RPA3: variants seen among roughly 807,000 people sequenced by gnomAD.
RPA3 encodes replication protein A3, also known as replication protein A 14 kDa subunit.
RPA3 carries 24 observed loss-of-function variants against 13.7 expected under a neutral mutation model. The observed-to-expected ratio is 1.75, with a 90% CI of 1.27 to 2.46. RPA3 has a LOEUF of 2.46. Among genes scored for constraint, RPA3 ranks in the 30% most tolerant of loss-of-function variants. RPA3 has a pLI of 0.00. For missense variants in RPA3, 183 were observed against 151.0 expected (o/e 1.21, Z -1.11); for synonymous variants, 59 against 51.2 (o/e 1.15, Z -0.65).
rs139440390 is a variant in RPA3, at chr7:7,717,533, T to C, written c.-1080+982A>G. ...GATTTATTGTTTTGAAGTAAAATGT[T>C]TAAGGTATGCATGTATTTTTTATGA... On this transcript the variant is annotated intron_variant, in intron 1 of 7. Transcript: ENST00000223129. Among the ~76,000 whole-genome samples the C allele has an allele frequency of 1.5e-3, 232 of 152,318 alleles. 1 individual carries two copies. Among genetic ancestry groups the C allele is most frequent in the African/African-American group, 5.2e-3 (217 of 41,574 alleles).
intron 4 of RPA3, among the ~76,000 whole-genome samples, chr7:7,672,657 C>T (rs751136393): frequency 6.6e-6 from 1 of 152,170 alleles, no homozygotes; most frequent in Non-Finnish European, 1.5e-5. Context: ...CACTCATTCT[C>T]TCCCTGTCGT....
At chr7:7,716,169 A>C (rs1780896821) in intron 1 of RPA3, among the ~76,000 whole-genome samples, 1 of 152,198 alleles carries the variant, frequency 6.6e-6, no homozygotes, top group South Asian at 2.1e-4. Flanking sequence ...ATCCAGCTGC[A>C]AAAATTACTC....
chr7:7,666,266 T>C (rs1779453586), intron 4 of RPA3, among the ~76,000 whole-genome samples: 1 of 151,914 alleles, frequency 6.6e-6, no homozygotes, highest in Non-Finnish European at 1.5e-5. Flanking sequence ...TGCAGTGGCA[T>C]GATCTTGCCT....
rs546668993 is a variant in RPA3 at position 7,698,974 on chromosome 7, C to T, written c.-1027-11646G>A. 2.5e-4 allele frequency among the ~76,000 whole-genome samples: 38 copies of T among 151,380 alleles called. No homozygotes were observed. In the East Asian group the frequency reaches 4.5e-3, roughly 18 times the overall value. ...GGGCTCAGTGATTCTCCCACTTCAG[C>T]CCCCCAAGTATCTGGGACTACAGGA... On this transcript the variant is annotated intron_variant, in intron 2 of 7. Coordinates refer to ENST00000223129, the MANE Select transcript of RPA3 (RefSeq NM_002947.5).
intron 2 of RPA3, among the ~76,000 whole-genome samples, chr7:7,709,953 G>A (rs1409551550): frequency 6.6e-6 from 1 of 151,550 alleles, no homozygotes; most frequent in African/African-American, 2.4e-5. Flanking sequence ...GCTTTTTTGG[G>A]GTCTCTTTTT....
intron 4 of RPA3, among the ~76,000 whole-genome samples, chr7:7,652,199 T>C (rs745774484): frequency 2.6e-5 from 4 of 152,250 alleles, no homozygotes; most frequent in Non-Finnish European, 5.9e-5. Flanking sequence ...GCTCCTGTTT[T>C]ACATTGCTCG....
At chr7:7,670,573 C>T (rs996393889) in intron 4 of RPA3, among the ~76,000 whole-genome samples, 4 of 152,144 alleles carry the variant, frequency 2.6e-5, no homozygotes, top group Non-Finnish European at 4.4e-5. Flanking sequence ...AGTAACTCAC[C>T]CCTCCCCAAG....
chr7:7,707,217 A>T (rs1055523158), intron 2 of RPA3, among the ~76,000 whole-genome samples: 4 of 152,202 alleles, frequency 2.6e-5, no homozygotes. Context: ...TACAGCAAAG[A>T]TTATATTCAT....
chr7:7,649,260 A>G (rs1257769549), intron 4 of RPA3, among the ~76,000 whole-genome samples: 1 of 152,148 alleles, frequency 6.6e-6, no homozygotes, highest in African/African-American at 2.4e-5. Flanking sequence ...AGGGACCCAC[A>G]TCTGGCAGGG....
chr7:7,677,742 C>T (rs1218786670), intron 4 of RPA3, among the ~76,000 whole-genome samples: 3 of 135,922 alleles, frequency 2.2e-5, no homozygotes, highest in East Asian at 2.1e-4. Flanking sequence ...GGCGGGATCT[C>T]GGCTCACTGC....
chr7:7,689,307 T>A (rs1780116707), intron 2 of RPA3: 1 of 152,162 alleles, frequency 6.6e-6, no homozygotes, highest in Admixed American at 6.6e-5. Flanking sequence ...CTGATGATGT[T>A]TTATCTATCA....
intron 2 of RPA3, among the ~76,000 whole-genome samples, 169 bp downstream of exon 2, chr7:7,715,006 A>G (rs1780861519): frequency 6.6e-6 from 1 of 152,146 alleles, no homozygotes; most frequent in Admixed American, 6.5e-5. Context: ...GGCAGCAATG[A>G]AACTAGAACT....
chr7:7,660,350 C>A (rs186790765), intron 4 of RPA3, among the ~76,000 whole-genome samples: 6 of 152,178 alleles, frequency 3.9e-5, no homozygotes, highest in Admixed American at 3.3e-4. Flanking sequence ...CATTATTATG[C>A]CAGCTGGTTA....
At chr7:7,650,353 G>A (rs982996372) in intron 4 of RPA3, among the ~76,000 whole-genome samples, 2 of 152,090 alleles carry the variant, frequency 1.3e-5, no homozygotes, top group Non-Finnish European at 1.5e-5. Flanking sequence ...TTTCATTCGA[G>A]TTCTCAAAGC....
intron 2 of RPA3, among the ~76,000 whole-genome samples, chr7:7,699,034 T>C (rs1457031957): frequency 2.4e-5 from 3 of 127,130 alleles, no homozygotes; most frequent in African/African-American, 6.0e-5. Flanking sequence ...TTTATATAGT[T>C]TGTGTGTGTG....
intron 4 of RPA3, among the ~76,000 whole-genome samples, chr7:7,671,987 C>G (rs934761788): frequency 2.0e-5 from 3 of 152,076 alleles, no homozygotes; most frequent in Admixed American, 6.6e-5. Context: ...CCAATAGATT[C>G]CTTTTACCAT....
chr7:7,666,119 C>T lies in RPA3; in HGVS notation c.-758+19711G>A, dbSNP rs149770899. On this transcript the variant is annotated intron_variant, in intron 4 of 7. Transcript: ENST00000223129. ...TGGCTGTACCATATTACCCTTCTAC[C>T]ACAAGTGTACAAGAGTTCCAGTTGC... Among the ~76,000 whole-genome samples the T allele has an allele frequency of 4.3e-3, 659 of 152,238 alleles. 1 individual carries two copies. Among genetic ancestry groups the T allele is most frequent in the Middle Eastern group, 0.01 (3 of 294 alleles).
In RPA3 at chr7:7,636,826, G is replaced by A. The variant is rs1441414125; in HGVS notation, c.*174C>T. On this transcript the variant is annotated 3_prime_UTR_variant, in exon 8 of 8. Transcript: ENST00000223129. The stretch of plus-strand genomic sequence containing the variant: ...TTGGAGTAGCAATTCTTTATAAAAG[G>A]ACTTCGGTGAGAACTGTCAATATAT... The A allele has an allele frequency of 1.8e-6, 1 of 564,774 alleles. No homozygotes were observed. The highest frequency in any genetic ancestry group is 3.5e-5 in the Admixed American group (1 of 28,366). The allele number at this position is 564,774 out of a possible 1,614,324, so 35.0% of individuals were successfully genotyped here. A position where few individuals can be genotyped will look rare whatever the true frequency, so the allele number is the denominator to read the frequency against.
chr7:7,714,860 T>C (rs1017025493), intron 2 of RPA3, among the ~76,000 whole-genome samples: 2 of 150,406 alleles, frequency 1.3e-5, no homozygotes, highest in Admixed American at 6.6e-5. Context: ...TTTCTTTTTT[T>C]TTTTTTTTTT....
Sources: allele counts gnomAD v4.1 joint callset (sites outside exome capture counted in the v4.1 genomes callset), GRCh38; gene constraint gnomAD v4.1.1; transcripts MANE v1.5; gene names NCBI Gene and HGNC (gene_info 2026-07-23, HGNC 2026-07-21).